MID1: variants seen among roughly 807,000 people sequenced by gnomAD.
The protein encoded by MID1 is E3 ubiquitin-protein ligase Midline-1.
In MID1, 7 loss-of-function variants were observed where a neutral mutation model predicts 40.4. The observed-to-expected ratio is 0.17, with a 90% confidence interval of 0.10 to 0.33. MID1 has a LOEUF of 0.33. Ranked by LOEUF, MID1 falls within the 10% of genes least tolerant of loss-of-function variation. The pLI, the probability that MID1 is intolerant of heterozygous loss-of-function variation, is 1.00. For missense variants in MID1, 367 were observed against 558.5 expected (o/e 0.66, Z 3.46); for synonymous variants, 229 against 221.2 (o/e 1.04, Z -0.31).
intron 7 of MID1, among the ~76,000 whole-genome samples, chrX:10,464,225 T>C (rs1441397228): frequency 8.9e-6 from 1 of 112,536 alleles, no homozygotes; most frequent in Non-Finnish European, 1.9e-5. Context: ...CTGAGTTCAT[T>C]ATACTGAGTG....
intron 1 of MID1, among the ~76,000 whole-genome samples, chrX:10,814,650 T>C (rs1051091060): frequency 9.0e-6 from 1 of 110,731 alleles, no homozygotes; most frequent in Non-Finnish European, 1.9e-5. Flanking sequence ...TATTTAGTTA[T>C]ATCACTGCAA....
At chrX:10,723,480 T>C (rs1363775920) in intron 1 of MID1, among the ~76,000 whole-genome samples, 2 of 113,046 alleles carry the variant, frequency 1.8e-5, no homozygotes, top group African/African-American at 3.2e-5. Context: ...TAGAAATGCA[T>C]AGTAAGGCCA....
At chrX:10,457,998 T>C (rs1928787015) in intron 8 of MID1, among the ~76,000 whole-genome samples, 2 of 112,491 alleles carry the variant, frequency 1.8e-5, no homozygotes, top group South Asian at 7.3e-4. Flanking sequence ...AGATTTCACA[T>C]ATTGAATGTT....
intron 5 of MID1, among the ~76,000 whole-genome samples, chrX:10,479,377 C>T (rs184105404): frequency 8.2e-4 from 91 of 110,943 alleles, no homozygotes; most frequent in Non-Finnish European, 1.4e-3. Flanking sequence ...TTTTTTTAAA[C>T]ATACGATTAA....
intron 1 of MID1, among the ~76,000 whole-genome samples, chrX:10,687,245 T>C (rs2043105030): frequency 8.9e-6 from 1 of 111,893 alleles, no homozygotes; most frequent in South Asian, 3.8e-4. Flanking sequence ...GATAATTTTA[T>C]CAATAAAAGA....
At chrX:10,647,110 A>T (rs2147571572) in intron 1 of MID1, among the ~76,000 whole-genome samples, 1 of 111,498 alleles carries the variant, frequency 9.0e-6, no homozygotes, top group African/African-American at 3.3e-5. Context: ...GCATTGCTCC[A>T]TCTCACCCAC....
At chrX:10,516,546 T>G (rs908803474) in intron 3 of MID1, among the ~76,000 whole-genome samples, 3 of 103,690 alleles carry the variant, frequency 2.9e-5, no homozygotes, top group Admixed American at 1.1e-4. Context: ...TGTCTTGGCC[T>G]TCATACTCTG....
At chrX:10,526,526 A>C (rs2147376199) in intron 2 of MID1, among the ~76,000 whole-genome samples, 1 of 111,593 alleles carries the variant, frequency 9.0e-6, no homozygotes, top group South Asian at 3.8e-4. Flanking sequence ...ACAGCAGGAA[A>C]TTTCTAGGGA....
chrX:10,789,064 G>A (rs906243716), intron 1 of MID1, among the ~76,000 whole-genome samples: 4 of 111,186 alleles, frequency 3.6e-5, no homozygotes, highest in African/African-American at 6.5e-5. Context: ...GTGGTGGTGC[G>A]TGCCTGTGGT....
At chrX:10,561,087 T>C (rs191025158) in intron 2 of MID1, among the ~76,000 whole-genome samples, 1 of 106,229 alleles carries the variant, frequency 9.4e-6, no homozygotes, top group East Asian at 2.8e-4. Flanking sequence ...ATCTGATCTT[T>C]GACAAACCTG....
chrX:10,700,016 T>C (rs1004629049), intron 1 of MID1, among the ~76,000 whole-genome samples: 5 of 109,997 alleles, frequency 4.5e-5, no homozygotes, highest in Non-Finnish European at 9.5e-5. Flanking sequence ...GAGATGGGGT[T>C]TCTCCATGTT....
chrX:10,519,227 G>A (rs1191880522), intron 3 of MID1, among the ~76,000 whole-genome samples: 1 of 110,969 alleles, frequency 9.0e-6, no homozygotes, highest in Non-Finnish European at 1.9e-5. Context: ...TTTAACTGAA[G>A]AGAAATAATT....
At chrX:10,613,794 G>C (rs186026684) in intron 1 of MID1, among the ~76,000 whole-genome samples, 275 of 93,554 alleles carry the variant, frequency 2.9e-3, no homozygotes, top group Middle Eastern at 0.011. Flanking sequence ...GACAGACAGA[G>C]AGAGACTATG....
chrX:10,496,171 G>A (rs1931242328), intron 3 of MID1, among the ~76,000 whole-genome samples: 1 of 112,191 alleles, frequency 8.9e-6, no homozygotes, highest in Admixed American at 9.4e-5. Context: ...TATCACATTT[G>A]ACATTTCTCT....
intron 7 of MID1, among the ~76,000 whole-genome samples, chrX:10,465,258 C>CACACACAT (rs1929320008): frequency 1.2e-4 from 12 of 96,467 alleles, no homozygotes; most frequent in African/African-American, 3.9e-4. Flanking sequence ...CACACACACA[C>CACACACAT]ACATACATAT....
chrX:10,742,533 CTT>C lies in MID1; in HGVS notation c.-187+91019_-187+91020del, dbSNP rs770907657. ...TCTGCAATATCTTATTATGGTTTTT[CTT>C]TGTTAGTATCTTAAAAACACTTTAA... is the stretch of plus-strand genomic sequence containing the variant. On this transcript the variant is annotated intron_variant, in intron 1 of 10. Coordinates refer to the MID1 transcript ENST00000380785. 4.4e-5 allele frequency among the ~76,000 whole-genome samples: 5 copies of C among 112,360 alleles called. No individual in the cohort carries two copies. In the South Asian group the frequency reaches 1.8e-3, roughly 41 times the overall value.
intron 1 of MID1, among the ~76,000 whole-genome samples, chrX:10,579,160 T>C (rs1320904854): frequency 8.9e-6 from 1 of 111,841 alleles, no homozygotes; most frequent in African/African-American, 3.3e-5. Flanking sequence ...GTAGATAATG[T>C]TTATTTAAAA....
At position 10,505,448 on chromosome X, in the gene MID1, C is replaced by T. The variant is rs191725236; in HGVS notation, c.757-9757G>A. The T allele has an allele frequency of 1.9e-4, 146 of 752,345 alleles. 1 individual carries two copies. In the African/African-American group the frequency reaches 3.2e-3, roughly 17 times the overall value. The allele number at this position is 752,345 out of a possible 1,213,427, so 62.0% of individuals were successfully genotyped here. On this transcript the variant is annotated intron_variant, in intron 3 of 9. Transcript: ENST00000317552. ...ACAATAAACTCCTCCCTTCCTTTCT[C>T]TTATTAATTACACACTTTATAAAAC...
At chrX:10,553,488 G>A (rs932942180) in intron 2 of MID1, among the ~76,000 whole-genome samples, 16 of 111,180 alleles carry the variant, frequency 1.4e-4, no homozygotes, top group African/African-American at 5.2e-4. Context: ...CCACGCTTTG[G>A]CATGAATAAC....
Sources: gnomAD v4.1 joint callset for allele counts (sites outside exome capture counted in the v4.1 genomes callset) on GRCh38, gnomAD v4.1.1 for gene constraint, MANE v1.5 for transcripts, NCBI Gene and HGNC (gene_info 2026-07-23, HGNC 2026-07-21) for gene names.